The following SLC26A5 variants were observed in gnomAD, a reference collection of about 807,000 sequenced individuals.
SLC26A5 encodes the protein prestin.
SLC26A5 carries 51 observed loss-of-function variants against 81.0 expected under a neutral mutation model. That is an observed-to-expected ratio of 0.63 (90% CI 0.50 to 0.80). SLC26A5 has a LOEUF of 0.80. Ranked by LOEUF, SLC26A5 falls within the 30% of genes least tolerant of loss-of-function variation. SLC26A5 has a pLI of 0.00. For missense variants in SLC26A5, 771 were observed against 905.8 expected, an observed-to-expected ratio of 0.85 and a Z score of 1.91; for synonymous variants, 325 against 332.8, an observed-to-expected ratio of 0.98 and a Z score of 0.25.
chr7:103,436,836 A>G (rs1826486987), intron 2 of SLC26A5, among the ~76,000 whole-genome samples: 1 of 152,210 alleles, frequency 6.6e-6, no homozygotes, highest in African/African-American at 2.4e-5. Flanking sequence ...TAAAACTGTA[A>G]ATCTACTAAA....
chr7:103,444,989 A>G (rs1433896910), intron 1 of SLC26A5, among the ~76,000 whole-genome samples: 1 of 152,230 alleles, frequency 6.6e-6, no homozygotes. Flanking sequence ...ATTCCCCTGC[A>G]TTTCTATGCT....
chr7:103,400,418 G>T (rs928112401), intron 8 of SLC26A5, among the ~76,000 whole-genome samples: 43 of 152,210 alleles, frequency 2.8e-4, no homozygotes, highest in Non-Finnish European at 5.0e-4. Context: ...TCATAGGGTT[G>T]TTTTTTTCTT....
intron 2 of SLC26A5, chr7:103,433,387 G>A: frequency 6.6e-6 from 1 of 152,132 alleles, no homozygotes; most frequent in Non-Finnish European, 1.5e-5. Context: ...TGTTTGTCCT[G>A]GAGGGAGATC....
At chr7:103,430,518 C>A (rs1019836926) in intron 2 of SLC26A5, among the ~76,000 whole-genome samples, 2 of 149,904 alleles carry the variant, frequency 1.3e-5, no homozygotes, top group Non-Finnish European at 3.0e-5. Context: ...GGTTCTGCCA[C>A]CATGGTGGGA....
At chr7:103,352,873 A>G (rs774199913) in exon 20 of SLC26A5, 1 of 780,948 alleles carries the variant, frequency 1.3e-6, no homozygotes, top group East Asian at 2.4e-5. Context: ...AACTGCTTGG[A>G]TTACACGGCA....
intron 19 of SLC26A5, among the ~76,000 whole-genome samples, chr7:103,356,739 G>A (rs188181290): frequency 6.6e-6 from 1 of 151,746 alleles, no homozygotes; most frequent in Non-Finnish European, 1.5e-5. Context: ...TTAACTTCTT[G>A]GTACCTTTTG....
chr7:103,393,036 G>A lies in SLC26A5; in HGVS notation c.1002C>T (p.Ser334=). The A allele has an allele frequency of 6.2e-7, 1 of 1,614,018 alleles. No homozygotes were observed. Among genetic ancestry groups the A allele is most frequent in the East Asian group, 2.2e-5 (1 of 44,888 alleles). ...GLLPPANPDT[S]LFHLVYVDAI... ...CATCTACGTACACAAGGTGGAAGAGGCTGGTGTCCGGATTGGCTGGAGGTA... is the reference window on the plus strand; with the variant it reads ...CATCTACGTACACAAGGTGGAAGAGACTGGTGTCCGGATTGGCTGGAGGTA... The change falls in exon 10 of 20, where the codon AGC becomes AGT. Residue 334 remains serine (S), a synonymous_variant. Transcript: ENST00000306312.
intron 19 of SLC26A5, chr7:103,368,237 T>C: frequency 1.6e-6 from 1 of 624,370 alleles, no homozygotes; most frequent in Non-Finnish European, 2.6e-6. Context: ...TTAGAATATA[T>C]TTTGACTATT....
At chr7:103,362,792 GTC>G in intron 19 of SLC26A5, 22 of 867,816 alleles carry the variant, frequency 2.5e-5, no homozygotes, top group Admixed American at 4.5e-5. Context: ...GGAAGGCTAT[GTC>G]TTTTTTTTTT....
intron 9 of SLC26A5, among the ~76,000 whole-genome samples, chr7:103,397,659 G>C (rs1823242116): frequency 1.3e-5 from 2 of 149,988 alleles, no homozygotes; most frequent in Non-Finnish European, 2.9e-5. Flanking sequence ...GGAGGTTGCA[G>C]TGAGCAGAGA....
At chr7:103,366,003 G>GATC in intron 19 of SLC26A5, 1 of 1,193,388 alleles carries the variant, frequency 8.4e-7, no homozygotes, top group Non-Finnish European at 1.2e-6. Context: ...TGAAAAGTTT[G>GATC]AAGCATAACT....
At chr7:103,387,664 A>G (rs144843945) in intron 14 of SLC26A5, among the ~76,000 whole-genome samples, 88 of 152,322 alleles carry the variant, frequency 5.8e-4, no homozygotes, top group African/African-American at 1.6e-3. Flanking sequence ...ACTAAAGTCC[A>G]GGCTATTTCT....
At chr7:103,407,041 T>G (rs1031865407) in intron 8 of SLC26A5, among the ~76,000 whole-genome samples, 1 of 152,202 alleles carries the variant, frequency 6.6e-6, no homozygotes, top group African/African-American at 2.4e-5. Context: ...ACTTTGGATA[T>G]TAAAAGGTCC....
intron 2 of SLC26A5, among the ~76,000 whole-genome samples, chr7:103,433,742 G>A (rs1372076087): frequency 6.1e-5 from 8 of 130,526 alleles, no homozygotes; most frequent in Non-Finnish European, 1.2e-4. Context: ...TCACTCTGTC[G>A]CCCAGGCTGG....
chr7:103,440,069 A>G (rs888734470), intron 2 of SLC26A5, among the ~76,000 whole-genome samples: 1 of 152,180 alleles, frequency 6.6e-6, no homozygotes, highest in Non-Finnish European at 1.5e-5. Flanking sequence ...ACTTAACACT[A>G]TCTAACCTAC....
At chr7:103,373,208 T>C (rs1821128991), downstream of SLC26A5, among the ~76,000 whole-genome samples, 3 of 152,218 alleles carry the variant, frequency 2.0e-5, no homozygotes, top group Admixed American at 2.0e-4. Flanking sequence ...CAGATAAGTC[T>C]GTAGTCACAA....
intron 4 of SLC26A5, among the ~76,000 whole-genome samples, chr7:103,417,631 C>T (rs961059166): frequency 6.6e-6 from 1 of 152,166 alleles, no homozygotes; most frequent in Non-Finnish European, 1.5e-5. Context: ...CTAGCCCCTA[C>T]CTCTCTTTTG....
In SLC26A5 at chr7:103,379,320, C is replaced by T. The variant is rs1449832871; in HGVS notation, c.1600G>A (p.Gly534Arg). Residue 534 changes from glycine (G) to arginine (R), a missense_variant, in exon 16 of 20, where the codon GGA becomes AGA. Coordinates refer to ENST00000306312, the MANE Select transcript of SLC26A5 (RefSeq NM_198999.3). ...DAYEEVKEIPGIKIFQINAPI... is the reference protein window; with the variant it reads ...DAYEEVKEIPRIKIFQINAPI... ...GCATTTATTTGAAATATTTTTATTC[C>T]AGGAATTTCTTTCACCTGAAGAGTA... The T allele has an allele frequency of 6.2e-7, 1 of 1,604,456 alleles. No homozygotes were observed. Among genetic ancestry groups the T allele is most frequent in the Non-Finnish European group, 8.5e-7 (1 of 1,172,238 alleles).
chr7:103,361,050 A>ATTGT (rs1820360102), intron 19 of SLC26A5, among the ~76,000 whole-genome samples: 1 of 149,742 alleles, frequency 6.7e-6, no homozygotes, highest in Non-Finnish European at 1.5e-5. Context: ...GGAGGCGGAG[A>ATTGT]TTGTAATGAG....
Sources: gnomAD v4.1 joint callset for allele counts (sites outside exome capture counted in the v4.1 genomes callset) on GRCh38, gnomAD v4.1.1 for gene constraint, MANE v1.5 for transcripts, NCBI Gene and HGNC (gene_info 2026-07-23, HGNC 2026-07-21) for gene names.